Variants in COL22A1 observed in about 807,000 individuals in gnomAD.
COL22A1 encodes the protein collagen alpha-1(XXII) chain.
In COL22A1, 221 loss-of-function variants were observed where a neutral mutation model predicts 248.9. The observed-to-expected ratio is 0.89, with a 90% CI of 0.80 to 0.99. The LOEUF (loss-of-function observed/expected upper bound fraction) is 0.99. Ranked by LOEUF, COL22A1 falls within the 50% of genes least tolerant of loss-of-function variation. The pLI is 0.00. For missense variants in COL22A1, 2,240 were observed against 2,179.0 expected (o/e 1.03, Z -0.56); for synonymous variants, 891 against 793.4 (o/e 1.12, Z -2.07).
At chr8:138,621,970 G>A (rs1819844834) in intron 52 of COL22A1, among the ~76,000 whole-genome samples, 2 of 152,170 alleles carry the variant, frequency 1.3e-5, no homozygotes, top group African/African-American at 4.8e-5. Context: ...TCTTTCTTTT[G>A]CTCTCAGCAA....
chr8:138,642,128 C>T (rs995431407), intron 47 of COL22A1, among the ~76,000 whole-genome samples: 13 of 152,160 alleles, frequency 8.5e-5, no homozygotes, highest in Non-Finnish European at 1.5e-4. Context: ...TAAAGCATTG[C>T]ACCCCATTAG....
chr8:138,766,149 C>T (rs1833893896), intron 16 of COL22A1, among the ~76,000 whole-genome samples: 2 of 152,358 alleles, frequency 1.3e-5, no homozygotes, highest in South Asian at 4.1e-4. Flanking sequence ...GACCTCAGAG[C>T]AAGGCCAAGT....
At chr8:138,778,220 C>A (rs140747885) in intron 15 of COL22A1, 133 bp downstream of exon 15, 1 of 919,118 alleles carries the variant, frequency 1.1e-6, no homozygotes, top group East Asian at 2.6e-5. Flanking sequence ...AAAGGAGATA[C>A]CAACACTTCA....
chr8:138,691,749 G>A (rs1826931465), intron 35 of COL22A1, among the ~76,000 whole-genome samples: 1 of 147,338 alleles, frequency 6.8e-6, no homozygotes, highest in South Asian at 2.2e-4. Context: ...TGTTTGTGGA[G>A]GTGTGTATAT....
chr8:138,812,898 A>C (rs754019952), intron 8 of COL22A1, 41 bp downstream of exon 8: 1 of 1,457,074 alleles, frequency 6.9e-7, no homozygotes, highest in South Asian at 1.1e-5. Flanking sequence ...GAGGCCACAC[A>C]CCCATTTCCT....
chr8:138,872,994 T>C (rs1328379859), intron 3 of COL22A1, among the ~76,000 whole-genome samples: 1 of 152,230 alleles, frequency 6.6e-6, no homozygotes, highest in African/African-American at 2.4e-5. Flanking sequence ...AAACAGCCAC[T>C]GGCCACCAGG....
chr8:138,751,172 G>A (rs1350041464), intron 22 of COL22A1, among the ~76,000 whole-genome samples: 1 of 152,112 alleles, frequency 6.6e-6, no homozygotes, highest in Non-Finnish European at 1.5e-5. Flanking sequence ...TCAGCACTGG[G>A]CTTCCCTGCT....
chr8:138,901,159 A>G (rs1179093195), intron 1 of COL22A1, among the ~76,000 whole-genome samples: 3 of 147,356 alleles, frequency 2.0e-5, no homozygotes, highest in African/African-American at 7.6e-5. Context: ...CATTAAAAGC[A>G]CCACTGCTTT....
chr8:138,662,190 A>G (rs1282086450), intron 42 of COL22A1, 107 bp from the exon 43 acceptor site: 2 of 882,454 alleles, frequency 2.3e-6, no homozygotes, highest in Admixed American at 2.2e-5. Flanking sequence ...GTCTGTTGCT[A>G]TGAGGAATCT....
chr8:138,865,423 GCA>G (rs201510233), intron 3 of COL22A1, among the ~76,000 whole-genome samples: 1,858 of 148,354 alleles, frequency 0.013, 37 homozygotes, highest in African/African-American at 0.044. Flanking sequence ...ATGTTTGTAG[GCA>G]CGTGTGTGGT....
intron 52 of COL22A1, among the ~76,000 whole-genome samples, chr8:138,623,303 C>T (rs1392967406): frequency 6.7e-6 from 1 of 148,892 alleles, no homozygotes; most frequent in African/African-American, 2.5e-5. Flanking sequence ...TGTGTAATCC[C>T]ACAATGTCTG....
At chr8:138,620,513 T>C (rs1288216084) in intron 52 of COL22A1, 1 of 152,212 alleles carries the variant, frequency 6.6e-6, no homozygotes, top group Non-Finnish European at 1.5e-5. Flanking sequence ...GCCATTTCCT[T>C]TCTCCGGATC....
intron 3 of COL22A1, among the ~76,000 whole-genome samples, chr8:138,854,041 T>C (rs1006354971): frequency 9.9e-5 from 15 of 152,134 alleles, no homozygotes; most frequent in Non-Finnish European, 1.8e-4. Flanking sequence ...CAGGATGTGG[T>C]AGCTTGGTAG....
At chr8:138,649,227 A>G (rs1822477064) in intron 46 of COL22A1, among the ~76,000 whole-genome samples, 1 of 152,176 alleles carries the variant, frequency 6.6e-6, no homozygotes, top group South Asian at 2.1e-4. Context: ...GACACATGTA[A>G]TGGGGTGTCA....
chr8:138,906,777 C>T (rs1042869595), intron 1 of COL22A1, among the ~76,000 whole-genome samples: 1 of 152,068 alleles, frequency 6.6e-6, no homozygotes, highest in East Asian at 1.9e-4. Context: ...CTTAGCCTCC[C>T]AAGTAGCTGG....
rs767819374 is a variant in COL22A1 at position 138,689,057 on chromosome 8, G to A, written c.2809-87C>T. 10 of 1,083,392 alleles carry A rather than the reference G, an allele frequency of 9.2e-6. 1 individual carries two copies. The highest frequency in any genetic ancestry group is 7.7e-5 in the African/African-American group (5 of 64,652). 67.1% of individuals were successfully genotyped at this position (1,083,392 alleles called of 1,614,324 possible). A position where few individuals can be genotyped will look rare whatever the true frequency, so the allele number is the denominator to read the frequency against. ...CGTGACCCCCAGGGAAGAATCATCA[G>A]GTCCCCCTGAAGTCAACGACTACAG... On this transcript the variant is annotated intron_variant, in intron 36 of 64. Coordinates refer to ENST00000303045, the MANE Select transcript of COL22A1 (RefSeq NM_152888.3).
chr8:138,789,192 T>A (rs1815816693), intron 12 of COL22A1, among the ~76,000 whole-genome samples: 1 of 152,222 alleles, frequency 6.6e-6, no homozygotes, highest in African/African-American at 2.4e-5. Context: ...TGCAGTGCTG[T>A]GAACTTCAGA....
At chr8:138,788,683 T>C (rs1014499797) in intron 12 of COL22A1, among the ~76,000 whole-genome samples, 1 of 152,166 alleles carries the variant, frequency 6.6e-6, no homozygotes, top group African/African-American at 2.4e-5. Flanking sequence ...TTGCTGCTGG[T>C]CGCCTCTGGG....
chr8:138,805,591 GTGTT>G lies in COL22A1; in HGVS notation c.1494+2173_1494+2176del, dbSNP rs373889362. Among the ~76,000 whole-genome samples the G allele has an allele frequency of 7.1e-4, 104 of 145,842 alleles. No individual in the cohort carries two copies. The East Asian group carries it at 0.014, about 20-fold the overall frequency. On this transcript the variant is annotated intron_variant, in intron 10 of 64. Coordinates refer to ENST00000303045, the MANE Select transcript of COL22A1 (RefSeq NM_152888.3). ...GGTGTGTGTCTATGTGTGATGGTAT[GTGTT>G]TGTGATGGTGTGGGACGGTGTGTGA...
Sources: allele counts gnomAD v4.1 joint callset (sites outside exome capture counted in the v4.1 genomes callset), GRCh38; gene constraint gnomAD v4.1.1; transcripts MANE v1.5; gene names NCBI Gene and HGNC (gene_info 2026-07-23, HGNC 2026-07-21).